Variants in SCN2A observed in about 807,000 individuals in gnomAD.
The protein encoded by SCN2A is sodium voltage-gated channel alpha subunit 2.
In SCN2A, 20 loss-of-function variants were observed where a neutral mutation model predicts 188.7. The observed-to-expected ratio is 0.11, with a 90% CI of 0.07 to 0.15. The LOEUF (loss-of-function observed/expected upper bound fraction) is 0.15. SCN2A is among the 10% of genes least tolerant of loss of function. The pLI is 1.00. For missense variants in SCN2A, 1,278 were observed against 2,445.0 expected (o/e 0.52, Z 10.07); for synonymous variants, 804 against 833.1 (o/e 0.97, Z 0.60).
chr2:165,291,332 C>T (rs369389681), intron 1 of SCN2A, among the ~76,000 whole-genome samples: 63 of 150,858 alleles, frequency 4.2e-4, no homozygotes, highest in African/African-American at 1.5e-3. Context: ...GCATGAGCCA[C>T]CGGGACTTGT....
At chr2:165,298,370 G>T (rs866276661) in intron 3 of SCN2A, among the ~76,000 whole-genome samples, 2 of 152,160 alleles carry the variant, frequency 1.3e-5, no homozygotes, top group African/African-American at 4.8e-5. Context: ...GGGTGGAGGG[G>T]ATGTAAAGCA....
chr2:165,345,986 A>G (rs1699564586), intron 16 of SCN2A, among the ~76,000 whole-genome samples: 1 of 152,158 alleles, frequency 6.6e-6, no homozygotes, highest in African/African-American at 2.4e-5. Flanking sequence ...TTGGCTGGAT[A>G]TGAAATTCTG....
In SCN2A at chr2:165,265,515, A is replaced by ATT. The variant is rs1553560094; in HGVS notation, c.-52+25876_-52+25877dup. Among the ~76,000 whole-genome samples the ATT allele has an allele frequency of 5.5e-4, 64 of 115,462 alleles. 1 individual carries two copies. Among genetic ancestry groups the ATT allele is most frequent in the East Asian group, 2.8e-3 (10 of 3,514 alleles). The allele number at this position is 115,462 out of a possible 152,430, so 75.7% of individuals were successfully genotyped here. On this transcript the variant is annotated intron_variant, in intron 1 of 26. Coordinates refer to ENST00000375437, the MANE Select transcript of SCN2A (RefSeq NM_001040142.2). Reference sequence around the variant, plus strand: ...TATATATATATATATATATATATATATTGCTGTGCAGAAGCTCTTTAGTTT... The same window carrying ATT: ...TATATATATATATATATATATATATATTTTGCTGTGCAGAAGCTCTTTAGTTT...
intron 20 of SCN2A, 165 bp from the exon 21 acceptor site, chr2:165,373,060 A>C (rs1701126795): frequency 2.9e-6 from 2 of 688,870 alleles, no homozygotes; most frequent in Non-Finnish European, 5.0e-6. Flanking sequence ...CCTTTCCCCA[A>C]ACTTACTAAG....
chr2:165,315,807 A>G lies in SCN2A; in HGVS notation c.1671+49A>G, dbSNP rs1838846. On this transcript the variant is annotated intron_variant, in intron 11 of 26. Transcript: ENST00000375437. The stretch of plus-strand genomic sequence containing the variant: ...TTGTGTTCTCATAAATTTTTTAAAA[A>G]AATATGCCAGAATTTAATGGAGAGA... 1,306,999 of 1,587,940 alleles carry G rather than the reference A, an allele frequency of 0.82. 539,913 individuals are homozygous for G. Among genetic ancestry groups the G allele is most frequent in the Non-Finnish European group, 0.84 (981,009 of 1,163,126 alleles).
chr2:165,361,207 T>C (rs1173207324), intron 17 of SCN2A, among the ~76,000 whole-genome samples: 1 of 151,978 alleles, frequency 6.6e-6, no homozygotes, highest in Admixed American at 6.6e-5. Context: ...TCAAGATCAT[T>C]GCTTAAAGAA....
chr2:165,323,991 G>A (rs1440833311), intron 12 of SCN2A, among the ~76,000 whole-genome samples: 1 of 152,124 alleles, frequency 6.6e-6, no homozygotes, highest in Admixed American at 6.5e-5. Flanking sequence ...AACCTTTTTA[G>A]CATCCACTCT....
rs1338044833 is a variant in SCN2A, at chr2:165,323,218, C to T, written c.1734C>T (p.Phe578=). The T allele has an allele frequency of 6.2e-7, 1 of 1,614,214 alleles. No individual in the cohort carries two copies. Among genetic ancestry groups the T allele is most frequent in the Admixed American group, 1.7e-5 (1 of 60,020 alleles). ...SPRRNSRASL[F]SFRGRAKDIG... ...GACGCAACAGTAGGGCGAGCCTTTT[C>T]AGCTTCAGAGGTCGAGCAAAGGACA... Residue 578 remains phenylalanine, a synonymous_variant, in exon 12 of 27, where the codon TTC becomes TTT. Transcript: ENST00000375437.
rs189815880 is a variant in SCN2A at position 165,384,105 on chromosome 2, A to G, written c.4552-2641A>G. ...ATAGTGGTCTAGGGTAGCTTTAGAA[A>G]GAAAAAGGGGCTGAGTCCTCTAATG... On this transcript the variant is annotated intron_variant, in intron 25 of 26. Transcript: ENST00000375437. Among the ~76,000 whole-genome samples, 217 of 152,280 alleles carry G rather than the reference A, an allele frequency of 1.4e-3. 4 individuals are homozygous for G. The highest frequency in any genetic ancestry group is 1.9e-4 in the Non-Finnish European group (13 of 68,020).
intron 1 of SCN2A, among the ~76,000 whole-genome samples, chr2:165,289,707 A>G (rs1574508242): frequency 6.6e-6 from 1 of 152,152 alleles, no homozygotes; most frequent in Non-Finnish European, 1.5e-5. Context: ...CTTTACTTAC[A>G]TCTACATTAT....
rs982242431 is a variant in SCN2A at position 165,310,606 on chromosome 2, C to A, written c.970+11C>A. 4 of 1,589,184 alleles carry A rather than the reference C, an allele frequency of 2.5e-6. No individual in the cohort carries two copies. Among genetic ancestry groups the A allele is most frequent in the Non-Finnish European group, 3.4e-6 (4 of 1,161,116 alleles). On this transcript the variant is annotated intron_variant, in intron 7 of 26. Coordinates refer to ENST00000375437, the MANE Select transcript of SCN2A (RefSeq NM_001040142.2). Reference sequence around the variant, plus strand: ...ATATTGAGGATAAAAGTAAGATATACTCTATAAACCATTAAGTTGTTTAGT... The same window carrying A: ...ATATTGAGGATAAAAGTAAGATATAATCTATAAACCATTAAGTTGTTTAGT...
chr2:165,281,294 AGT>A (rs750353984), intron 1 of SCN2A, among the ~76,000 whole-genome samples: 4 of 151,788 alleles, frequency 2.6e-5, no homozygotes, highest in South Asian at 2.1e-4. Flanking sequence ...AGTGTGTGAA[AGT>A]GTGTGTGTGT....
intron 1 of SCN2A, among the ~76,000 whole-genome samples, chr2:165,243,999 C>T (rs990159300): frequency 1.3e-5 from 2 of 151,978 alleles, no homozygotes; most frequent in Admixed American, 1.3e-4. Context: ...TAATCCACTT[C>T]GGGAGGTCGA....
In SCN2A at chr2:165,354,470, T is replaced by A; in HGVS notation, c.3198T>A (p.Asn1066Lys). ...HTTIEIGKDLNYLKDGNGTTS... is the reference protein window; with the variant it reads ...HTTIEIGKDLKYLKDGNGTTS... ...CCATAGAAATAGGCAAAGACCTCAA[T>A]TATCTCAAAGACGGAAATGGAACTA... The change falls in exon 17 of 27, where the codon AAT (asparagine) becomes AAA (lysine). Residue 1066 changes from asparagine (N) to lysine (K), a missense_variant. This residue lies in a region of SCN2A where 228 missense variants were observed against 297.3 expected (regional missense o/e 0.77). Coordinates refer to ENST00000375437, the MANE Select transcript of SCN2A (RefSeq NM_001040142.2). 6.2e-7 allele frequency: 1 copy of A among 1,614,068 alleles called. No homozygotes were observed. Among genetic ancestry groups the A allele is most frequent in the Non-Finnish European group, 8.5e-7 (1 of 1,179,990 alleles).
At chr2:165,326,497 T>C (rs948425176) in intron 12 of SCN2A, among the ~76,000 whole-genome samples, 5 of 152,196 alleles carry the variant, frequency 3.3e-5, no homozygotes, top group African/African-American at 4.8e-5. Flanking sequence ...ATCTAAAAAC[T>C]CAACCTGGGT....
At chr2:165,302,711 A>T (rs1696885778) in intron 3 of SCN2A, among the ~76,000 whole-genome samples, 1 of 152,154 alleles carries the variant, frequency 6.6e-6, no homozygotes, top group Non-Finnish European at 1.5e-5. Flanking sequence ...CTGGTAAGGG[A>T]TGTATCTGAC....
intron 1 of SCN2A, among the ~76,000 whole-genome samples, chr2:165,284,201 G>C (rs1160283563): frequency 6.6e-6 from 1 of 151,828 alleles, no homozygotes; most frequent in Non-Finnish European, 1.5e-5. Flanking sequence ...GACAGAGTCT[G>C]GCTCTGTCGC....
At chr2:165,253,254 A>C (rs10803795) in intron 1 of SCN2A, among the ~76,000 whole-genome samples, 3 of 152,144 alleles carry the variant, frequency 2.0e-5, no homozygotes, top group Admixed American at 6.5e-5. Context: ...ATTCACTTCT[A>C]TCTCCTTTCT....
intron 17 of SCN2A, among the ~76,000 whole-genome samples, chr2:165,364,231 A>G (rs746867921): frequency 6.6e-6 from 1 of 152,134 alleles, no homozygotes; most frequent in Non-Finnish European, 1.5e-5. Flanking sequence ...GCTGTGGCCC[A>G]AACTACTCTG....
Sources: gnomAD v4.1 joint callset for allele counts (sites outside exome capture counted in the v4.1 genomes callset) on GRCh38, gnomAD v4.1.1 for gene constraint, gnomAD v4.1.1 regional missense constraint, MANE v1.5 for transcripts, NCBI Gene and HGNC (gene_info 2026-07-23, HGNC 2026-07-21) for gene names.